Variants in FBN2 observed in about 807,000 individuals in gnomAD.
FBN2 encodes fibrillin-2.
In FBN2, 105 loss-of-function variants were observed where a neutral mutation model predicts 355.6. The ratio of observed to expected loss-of-function variants is 0.30; its 90% CI spans 0.25 to 0.35. The LOEUF is 0.35. FBN2 is among the 10% of genes least tolerant of loss of function. The pLI is 1.00. For synonymous variants in FBN2, 1,350 were observed against 1,301.2 expected, an observed-to-expected ratio of 1.04 and a Z score of -0.81; for missense variants, 3,280 against 3,758.7, an observed-to-expected ratio of 0.87 and a Z score of 3.33.
At chr5:128,347,471 T>A (rs1751214195) in intron 23 of FBN2, among the ~76,000 whole-genome samples, 1 of 152,196 alleles carries the variant, frequency 6.6e-6, no homozygotes, top group South Asian at 2.1e-4. Context: ...CTTTGGATGG[T>A]CCATGTTCTC....
At chr5:128,363,866 G>A (rs1328294832) in intron 18 of FBN2, among the ~76,000 whole-genome samples, 2 of 152,034 alleles carry the variant, frequency 1.3e-5, no homozygotes, top group East Asian at 1.9e-4. Context: ...CAAATCAAAC[G>A]AATATGTTCA....
chr5:128,275,927 G>A, intron 59 of FBN2, 111 bp downstream of exon 59: 2 of 1,205,728 alleles, frequency 1.7e-6, no homozygotes. Flanking sequence ...CACTAGGATG[G>A]GACCTTTTAA....
chr5:128,446,748 C>A (rs556731061), intron 6 of FBN2, 142 bp from the exon 7 acceptor site: 1 of 683,866 alleles, frequency 1.5e-6, no homozygotes, highest in Admixed American at 2.5e-5. Context: ...AAGTAAAACA[C>A]CTTTGTATGC....
At chr5:128,462,196 T>A (rs1349561379) in intron 6 of FBN2, among the ~76,000 whole-genome samples, 3 of 152,164 alleles carry the variant, frequency 2.0e-5, no homozygotes, top group Non-Finnish European at 4.4e-5. Flanking sequence ...ACAGTTATCA[T>A]CCACATAGTT....
chr5:128,528,459 A>G (rs979304177), intron 3 of FBN2, among the ~76,000 whole-genome samples: 2 of 152,192 alleles, frequency 1.3e-5, no homozygotes, highest in Non-Finnish European at 2.9e-5. Flanking sequence ...ACTAGTCTGG[A>G]GCCAAGAAGG....
chr5:128,282,998 A>G (rs1749023319), intron 55 of FBN2, among the ~76,000 whole-genome samples: 1 of 152,206 alleles, frequency 6.6e-6, no homozygotes, highest in Admixed American at 6.5e-5. Context: ...CTCACTTTCT[A>G]AAATGACATT....
intron 48 of FBN2, among the ~76,000 whole-genome samples, chr5:128,294,145 T>A (rs964914805): frequency 6.6e-6 from 1 of 152,188 alleles, no homozygotes; most frequent in African/African-American, 2.4e-5. Flanking sequence ...ATTTCATCCA[T>A]GTCCTTACAA....
chr5:128,432,628 A>T (rs979039305), intron 7 of FBN2, among the ~76,000 whole-genome samples: 8 of 152,188 alleles, frequency 5.3e-5, no homozygotes, highest in African/African-American at 1.9e-4. Context: ...TAGTGTTCGG[A>T]TCTAGAAAGA....
rs578196426 is a variant in FBN2 at position 128,490,644 on chromosome 5, T to A, written c.629-25723A>T. ...ATATTTTATTTCGAATTCTATCCAT[T>A]TACCTCCAGTTAATACGATTTTTTA... On this transcript the variant is annotated intron_variant, in intron 5 of 64. Coordinates refer to ENST00000262464, the MANE Select transcript of FBN2 (RefSeq NM_001999.4). 5.9e-5 allele frequency among the ~76,000 whole-genome samples: 9 copies of A among 152,320 alleles called. No individual in the cohort carries two copies. The South Asian group carries it at 1.9e-3, about 32-fold the overall frequency.
intron 5 of FBN2, among the ~76,000 whole-genome samples, chr5:128,492,879 T>C (rs971624762): frequency 2.2e-5 from 3 of 137,450 alleles, no homozygotes; most frequent in Non-Finnish European, 4.8e-5. Flanking sequence ...GCAGATTAGA[T>C]AAAACTTTAT....
At chr5:128,294,682 G>A (rs1040467891) in intron 48 of FBN2, among the ~76,000 whole-genome samples, 1 of 148,774 alleles carries the variant, frequency 6.7e-6, no homozygotes, top group African/African-American at 2.5e-5. Flanking sequence ...TTTTGATGGG[G>A]TTGTTTGTTT....
At chr5:128,339,526 G>A (rs1581227277) in intron 25 of FBN2, among the ~76,000 whole-genome samples, 1 of 152,072 alleles carries the variant, frequency 6.6e-6, no homozygotes, top group African/African-American at 2.4e-5. Context: ...ACGGAGTTAC[G>A]ATGTATGATG....
At chr5:128,487,208 A>G (rs1755361965) in intron 5 of FBN2, among the ~76,000 whole-genome samples, 1 of 152,206 alleles carries the variant, frequency 6.6e-6, no homozygotes, top group Non-Finnish European at 1.5e-5. Flanking sequence ...GTAGCCATGG[A>G]GGCATGTGTT....
At chr5:128,447,353 A>G (rs1452176814) in intron 6 of FBN2, among the ~76,000 whole-genome samples, 2 of 152,178 alleles carry the variant, frequency 1.3e-5, no homozygotes, top group Admixed American at 6.5e-5. Context: ...CAGCCCTGAG[A>G]AAGAGAATGC....
At chr5:128,420,566 A>G (rs952305797) in intron 7 of FBN2, among the ~76,000 whole-genome samples, 4 of 152,236 alleles carry the variant, frequency 2.6e-5, no homozygotes, top group Non-Finnish European at 5.9e-5. Flanking sequence ...GGTATTTTTT[A>G]TAGAAAAGGG....
rs1248573149 is a variant in FBN2, at chr5:128,261,921, G to A, written c.8193-14C>T. 4.3e-6 allele frequency: 7 copies of A among 1,611,466 alleles called. No individual in the cohort carries two copies. The African/African-American group carries it at 8.0e-5, about 18-fold the overall frequency. ...GAGACACAGTGGCTATTTGCAAAAA[G>A]CAAAGTATTGTTAGACTTTATCACT... On this transcript the variant is annotated splice_polypyrimidine_tract_variant and intron_variant, in intron 63 of 64. Transcript: ENST00000262464.
chr5:128,305,211 CTGAATCAAAA>C, intron 44 of FBN2, 129 bp from the exon 45 acceptor site: 1 of 915,270 alleles, frequency 1.1e-6, no homozygotes, highest in Non-Finnish European at 1.7e-6. Context: ...ATAACAACAG[CTGAATCAAAA>C]TGAGCAGGAC....
At chr5:128,391,403 C>T (rs147765156) in intron 11 of FBN2, among the ~76,000 whole-genome samples, 5 of 152,176 alleles carry the variant, frequency 3.3e-5, no homozygotes, top group African/African-American at 7.2e-5. Flanking sequence ...TGTAAAACAA[C>T]GACACTTGTT....
At chr5:128,385,095 C>T (rs1752331147) in intron 11 of FBN2, among the ~76,000 whole-genome samples, 1 of 152,020 alleles carries the variant, frequency 6.6e-6, no homozygotes, top group Non-Finnish European at 1.5e-5. Flanking sequence ...AGTACAAGTG[C>T]AGGTTTATTA....
Sources: allele counts gnomAD v4.1 joint callset (sites outside exome capture counted in the v4.1 genomes callset), GRCh38; gene constraint gnomAD v4.1.1; transcripts MANE v1.5; gene names NCBI Gene and HGNC (gene_info 2026-07-23, HGNC 2026-07-21).